Variants in SNX29 observed in about 807,000 individuals in gnomAD.
SNX29 encodes sorting nexin 29, also known as sorting nexin-29.
Under a neutral mutation model 102.1 loss-of-function variants are expected in SNX29, and 78 were observed. The ratio of observed to expected loss-of-function variants is 0.76; its 90% CI spans 0.64 to 0.92. SNX29 has a LOEUF of 0.92. Ranked by LOEUF, SNX29 falls within the 40% of genes least tolerant of loss-of-function variation. The probability of loss-of-function intolerance (pLI) is 0.00; values close to 1 mark genes in which losing one functional copy is unlikely to be tolerated. For missense variants in SNX29, 1,280 were observed against 1,061.7 expected (o/e 1.21, Z -2.86); for synonymous variants, 580 against 414.5 (o/e 1.40, Z -4.85).
At chr16:12,078,938 C>G (rs370420755) in intron 11 of SNX29, 23 bp downstream of exon 11, 2 of 1,574,026 alleles carry the variant, frequency 1.3e-6, no homozygotes, top group Non-Finnish European at 1.7e-6. Context: ...GCAGCCCCCT[C>G]CACCAGCTCT....
chr16:12,179,453 C>T (rs2076334643), intron 13 of SNX29, among the ~76,000 whole-genome samples: 1 of 152,270 alleles, frequency 6.6e-6, no homozygotes. Flanking sequence ...CACTGTACTC[C>T]AGCTTTGGTG....
rs4781180 is a variant in SNX29, at chr16:12,098,337, C to T, written c.1402+19422C>T. On this transcript the variant is annotated intron_variant, in intron 11 of 20. Transcript: ENST00000566228. This position sits in a 1 kb window ranked among gnomAD's most constrained non-coding sequence, Gnocchi z 6.0. ...TGGGATACCGTAAAGGATTTCTCTT[C>T]CACTCCCACATCAGCCACCTTGCTC... Among the ~76,000 whole-genome samples the T allele has an allele frequency of 0.28, 42,156 of 152,006 alleles. 5,805 individuals carry two copies. Among genetic ancestry groups the T allele is most frequent in the Middle Eastern group, 0.33 (97 of 294 alleles).
chr16:11,989,700 G>C (rs1034028703), intron 1 of SNX29, among the ~76,000 whole-genome samples: 2 of 152,172 alleles, frequency 1.3e-5, no homozygotes, highest in Admixed American at 6.5e-5. Flanking sequence ...ATGGGAGAGA[G>C]TTCGTGAGGC....
intron 20 of SNX29, among the ~76,000 whole-genome samples, chr16:12,537,984 CAA>C (rs33931845): frequency 0.035 from 4,449 of 127,996 alleles, 205 homozygotes; most frequent in African/African-American, 0.11. Context: ...AACTCCGTTT[CAA>C]AAAAAAAAAA....
intron 13 of SNX29, among the ~76,000 whole-genome samples, chr16:12,131,390 C>T (rs2054461760): frequency 6.6e-6 from 1 of 152,212 alleles, no homozygotes; most frequent in Non-Finnish European, 1.5e-5. Context: ...CATATACTAA[C>T]ATTTTTCTTT....
At chr16:12,134,522 G>A (rs939973936) in intron 13 of SNX29, among the ~76,000 whole-genome samples, 9 of 152,196 alleles carry the variant, frequency 5.9e-5, no homozygotes, top group Non-Finnish European at 1.2e-4. Flanking sequence ...GGGCCTCTCC[G>A]TGGGGCTGCT....
Position 12,573,718 on chromosome 16 carries a change from C to T in SNX29, c.*5089C>T, listed in dbSNP as rs575300399. On this transcript the variant is annotated 3_prime_UTR_variant, in exon 21 of 21. Transcript: ENST00000566228. ...AATTGGGACTGAGGACAGTAGCACA[C>T]GGAATGGTGGATCGTACATTTGCAC... 1.3e-5 allele frequency: 3 copies of T among 222,964 alleles called. No homozygotes were observed. Among genetic ancestry groups the T allele is most frequent in the Admixed American group, 5.7e-5 (1 of 17,452 alleles). 13.8% of individuals were successfully genotyped at this position (222,964 alleles called of 1,614,324 possible). A position where few individuals can be genotyped will look rare whatever the true frequency, so the allele number is the denominator to read the frequency against.
At chr16:12,215,895 A>G (rs953393977) in intron 14 of SNX29, among the ~76,000 whole-genome samples, 1 of 152,124 alleles carries the variant, frequency 6.6e-6, no homozygotes, top group Non-Finnish European at 1.5e-5. Flanking sequence ...TAGTGCTATT[A>G]GCAGAGTGCA....
chr16:12,569,502 T>C lies in SNX29; in HGVS notation c.*873T>C. On this transcript the variant is annotated 3_prime_UTR_variant, in exon 21 of 21. Transcript: ENST00000566228. ...ACCACTGCAGAAGGTTCCAGGGTTTTCAAACCAGGCTCCATGACTATGAAG... is the reference window on the plus strand; with the variant it reads ...ACCACTGCAGAAGGTTCCAGGGTTTCCAAACCAGGCTCCATGACTATGAAG... The C allele has an allele frequency of 4.3e-6, 1 of 231,688 alleles. No individual in the cohort carries two copies. The highest frequency in any genetic ancestry group is 8.5e-6 in the Non-Finnish European group (1 of 117,090). The allele number at this position is 231,688 out of a possible 1,614,324, so 14.4% of individuals were successfully genotyped here.
chr16:11,994,814 A>G (rs949892439), intron 1 of SNX29, among the ~76,000 whole-genome samples: 1 of 152,172 alleles, frequency 6.6e-6, no homozygotes, highest in African/African-American at 2.4e-5. Context: ...GGAGACTGGT[A>G]GCATTGATTG....
intron 15 of SNX29, among the ~76,000 whole-genome samples, chr16:12,348,536 CTGTGTGTGTGTACA>C (rs566381288): frequency 1.5e-3 from 233 of 150,908 alleles, no homozygotes; most frequent in African/African-American, 5.5e-3. Flanking sequence ...TTCCCCGGCT[CTGTGTGTGTGTACA>C]TGTGTGTGTG....
At chr16:12,491,925 A>G (rs898560909) in intron 19 of SNX29, among the ~76,000 whole-genome samples, 3 of 152,230 alleles carry the variant, frequency 2.0e-5, no homozygotes, top group East Asian at 1.9e-4. Context: ...AATCCAGTCT[A>G]TCGTTGTTGG....
chr16:11,976,972 C>G, intron 1 of SNX29, 159 bp downstream of exon 1: 1 of 966,950 alleles, frequency 1.0e-6, no homozygotes, highest in Non-Finnish European at 1.3e-6. Flanking sequence ...ACTCCCGGCT[C>G]GTGGCCCCTG....
intron 13 of SNX29, among the ~76,000 whole-genome samples, chr16:12,146,652 C>G (rs2055078091): frequency 6.6e-6 from 1 of 152,188 alleles, no homozygotes. Flanking sequence ...GCTAGTTCTA[C>G]TACCATTCAT....
intron 18 of SNX29, among the ~76,000 whole-genome samples, chr16:12,471,648 G>A (rs553097832): frequency 6.6e-6 from 1 of 152,360 alleles, no homozygotes; most frequent in Non-Finnish European, 1.5e-5. Context: ...TGCCCCACAA[G>A]TTAGGGTGAA....
intron 15 of SNX29, among the ~76,000 whole-genome samples, chr16:12,347,764 C>T (rs531748981): frequency 5.3e-5 from 8 of 151,996 alleles, no homozygotes; most frequent in Non-Finnish European, 1.2e-4. Flanking sequence ...GTGACAATAA[C>T]CTCATTTGAC....
chr16:12,303,459 A>G (rs1377849375), intron 15 of SNX29, among the ~76,000 whole-genome samples: 2 of 152,256 alleles, frequency 1.3e-5, no homozygotes, highest in Non-Finnish European at 2.9e-5. Flanking sequence ...TCTAATGAAA[A>G]TTGTGTGGCT....
chr16:12,243,939 G>A (rs1258231326), intron 14 of SNX29, among the ~76,000 whole-genome samples: 1 of 152,216 alleles, frequency 6.6e-6, no homozygotes, highest in Non-Finnish European at 1.5e-5. Flanking sequence ...TGTGGCTCTG[G>A]TAGAGGTTAG....
intron 15 of SNX29, among the ~76,000 whole-genome samples, chr16:12,309,284 T>C (rs535188753): frequency 6.6e-6 from 1 of 152,314 alleles, no homozygotes; most frequent in Admixed American, 6.5e-5. Flanking sequence ...GGTGCTCAAG[T>C]TGGGGAGATG....
Sources: gnomAD v4.1 joint callset for allele counts (sites outside exome capture counted in the v4.1 genomes callset) on GRCh38, gnomAD v4.1.1 for gene constraint, Gnocchi (gnomAD v3.1) non-coding constraint, MANE v1.5 for transcripts, NCBI Gene and HGNC (gene_info 2026-07-23, HGNC 2026-07-21) for gene names.